The following ZC3HC1 variants were observed in gnomAD, a reference collection of about 807,000 sequenced individuals.
ZC3HC1 encodes zinc finger C3HC-type protein 1.
In ZC3HC1, 38 loss-of-function variants were observed where a neutral mutation model predicts 61.9. The ratio of observed to expected loss-of-function variants is 0.61; its 90% CI spans 0.47 to 0.81. ZC3HC1 has a LOEUF of 0.81. ZC3HC1 is among the 30% of genes least tolerant of loss of function. The pLI is 0.00. For synonymous variants in ZC3HC1, 213 were observed against 229.9 expected, an observed-to-expected ratio of 0.93 and a Z score of 0.67; for missense variants, 554 against 622.7, an observed-to-expected ratio of 0.89 and a Z score of 1.17.
At chr7:130,024,085 C>G (rs1244057971) in intron 7 of ZC3HC1, among the ~76,000 whole-genome samples, 178 bp downstream of exon 7, 1 of 152,180 alleles carries the variant, frequency 6.6e-6, no homozygotes, top group African/African-American at 2.4e-5. Flanking sequence ...TAGGCGTGAG[C>G]CACCGGGTCT....
chr7:130,026,516 G>A, intron 5 of ZC3HC1: 1 of 462,558 alleles, frequency 2.2e-6, no homozygotes. Flanking sequence ...TGAATCTGCT[G>A]ACTGAGAAAG....
rs1157255334 is a variant in ZC3HC1 at position 130,051,352 on chromosome 7, A to G, written c.15T>C (p.Cys5=). The change falls in exon 1 of 10, where the codon TGT becomes TGC. Residue 5 remains cysteine, a synonymous_variant. Transcript: ENST00000358303. ...CCCCTACGGCAAACGCTTGTCCCTC[A>G]CAGGGCGCCGCCATCTTGGTCCGCT... MAAP[C]EGQAFAVGVE... The G allele has an allele frequency of 6.2e-7, 1 of 1,612,400 alleles. No homozygotes were observed. Among genetic ancestry groups the G allele is most frequent in the Non-Finnish European group, 8.5e-7 (1 of 1,179,218 alleles).
chr7:130,030,779 C>T (rs1794147483), intron 4 of ZC3HC1, among the ~76,000 whole-genome samples: 1 of 151,794 alleles, frequency 6.6e-6, no homozygotes, highest in African/African-American at 2.4e-5. Flanking sequence ...CACCATTCTC[C>T]TGCCTCAGCC....
At chr7:130,020,791 C>T (rs1793608643) in intron 9 of ZC3HC1, among the ~76,000 whole-genome samples, 2 of 152,170 alleles carry the variant, frequency 1.3e-5, no homozygotes, top group Admixed American at 6.5e-5. Context: ...TTACTGAAAA[C>T]TGCCAATGTA....
intron 1 of ZC3HC1, chr7:130,050,613 T>C (rs1795038434): frequency 2.3e-6 from 2 of 854,560 alleles, no homozygotes; most frequent in Non-Finnish European, 3.4e-6. Flanking sequence ...ACCATAGTAG[T>C]ATTAGCAGTA....
chr7:130,019,054 CTTTTTT>C (rs397746688), intron 9 of ZC3HC1, among the ~76,000 whole-genome samples: 74 of 132,988 alleles, frequency 5.6e-4, no homozygotes, highest in African/African-American at 2.1e-3. Flanking sequence ...ACTGGTTTTT[CTTTTTT>C]TTTTTTTTTT....
chr7:130,043,770 C>A (rs1794766850), intron 2 of ZC3HC1: 1 of 432,644 alleles, frequency 2.3e-6, no homozygotes, highest in Non-Finnish European at 4.6e-6. Flanking sequence ...TTGCGGGCAG[C>A]CAAGTGTGGA....
chr7:130,051,294 G>A lies in ZC3HC1; in HGVS notation c.73C>T (p.Pro25Ser), dbSNP rs779499534. ...EKNWGAVVRS[P>S]EGTPQKIRQL... ...CGGATTTTCTGGGGGGTCCCTTCTG[G>A]GGAGCGAACTACTGCACCCCAATTC... Residue 25 changes from proline to serine, a missense_variant, in exon 1 of 10, where the codon CCA becomes TCA. By Grantham distance (74) the Pro-to-Ser change is moderately conservative. Coordinates refer to ENST00000358303, the MANE Select transcript of ZC3HC1 (RefSeq NM_016478.5). The A allele has an allele frequency of 3.2e-5, 52 of 1,612,960 alleles. No individual in the cohort carries two copies. The highest frequency in any genetic ancestry group is 4.2e-5 in the Non-Finnish European group (49 of 1,179,540).
intron 4 of ZC3HC1, among the ~76,000 whole-genome samples, chr7:130,031,805 G>C (rs1382892087): frequency 6.6e-6 from 1 of 152,158 alleles, no homozygotes; most frequent in Non-Finnish European, 1.5e-5. Context: ...GGCTAACACA[G>C]AACTGCAAAC....
intron 3 of ZC3HC1, 53 bp from the exon 4 acceptor site, chr7:130,039,600 T>G (rs992485333): frequency 1.5e-5 from 21 of 1,355,704 alleles, no homozygotes; most frequent in Non-Finnish European, 2.0e-5. Flanking sequence ...AGATTCAAAA[T>G]CCAATGAATG....
intron 5 of ZC3HC1, chr7:130,027,164 T>C (rs986550290): frequency 1.3e-5 from 2 of 151,830 alleles, no homozygotes; most frequent in Non-Finnish European, 2.9e-5. Flanking sequence ...CAAAGCTCGT[T>C]AGACTTTATT....
rs1795053184 is a variant in ZC3HC1, at chr7:130,050,999, A to G, written c.146+222T>C. Among the ~76,000 whole-genome samples the G allele has an allele frequency of 3.3e-5, 5 of 152,208 alleles. No homozygotes were observed. The South Asian group carries it at 1.0e-3, about 32-fold the overall frequency. ...ACGGTCCTCTTTACTTCCAAAAATA[A>G]TGTCCGATGACAAAATTTCGGCTGC... On this transcript the variant is annotated intron_variant, in intron 1 of 9. Transcript: ENST00000358303.
intron 4 of ZC3HC1, among the ~76,000 whole-genome samples, chr7:130,029,689 C>T (rs1267455026): frequency 1.3e-5 from 2 of 152,092 alleles, no homozygotes; most frequent in African/African-American, 4.8e-5. Context: ...GATGGGGTTT[C>T]ATTATTTATA....
intron 4 of ZC3HC1, among the ~76,000 whole-genome samples, chr7:130,037,958 TA>T (rs1250292207): frequency 6.6e-6 from 1 of 152,194 alleles, no homozygotes; most frequent in African/African-American, 2.4e-5. Context: ...ATCAACAAAA[TA>T]TTTTTTATTT....
intron 3 of ZC3HC1, among the ~76,000 whole-genome samples, chr7:130,040,317 A>G (rs1035875188): frequency 1.3e-5 from 2 of 149,136 alleles, no homozygotes; most frequent in Non-Finnish European, 3.0e-5. Context: ...ACACGGTGAA[A>G]CCCCGTCTCT....
intron 2 of ZC3HC1, among the ~76,000 whole-genome samples, chr7:130,042,585 T>C (rs1193022093): frequency 6.6e-6 from 1 of 152,230 alleles, no homozygotes; most frequent in Non-Finnish European, 1.5e-5. Flanking sequence ...TGTGTGAGAA[T>C]GTGTTTTACA....
rs947635232 is a variant in ZC3HC1 at position 130,032,483 on chromosome 7, CA to C, written c.494-3455del. 3.2e-3 allele frequency among the ~76,000 whole-genome samples: 417 copies of C among 129,608 alleles called. 2 individuals are homozygous for C. The highest frequency in any genetic ancestry group is 4.4e-3 in the Admixed American group (56 of 12,792). The allele number at this position is 129,608 out of a possible 152,430, so 85.0% of individuals were successfully genotyped here. A position where few individuals can be genotyped will look rare whatever the true frequency, so the allele number is the denominator to read the frequency against. On this transcript the variant is annotated intron_variant, in intron 4 of 9. Coordinates refer to ENST00000358303, the MANE Select transcript of ZC3HC1 (RefSeq NM_016478.5). ...CAATATAGTGAGACCCCATCTCTAC[CA>C]AAAAAAAAAAAATTAGCTGGATGTG...
Position 130,051,273 on chromosome 7 carries a change from T to C in ZC3HC1, c.94A>G (p.Ile32Val), listed in dbSNP as rs568344139. 2.2e-5 allele frequency: 36 copies of C among 1,611,942 alleles called. 2 individuals are homozygous for C. The South Asian group carries it at 3.9e-4, about 17-fold the overall frequency. Residue 32 changes from isoleucine to valine, a missense_variant, in exon 1 of 10, where the codon ATC becomes GTC. Physicochemically the swap from Ile to Val is conservative, Grantham distance 29. Transcript: ENST00000358303. ...ATCCCCTCATCTATCAGCTGCCGGA[T>C]TTTCTGGGGGGTCCCTTCTGGGGAG... is the stretch of plus-strand genomic sequence containing the variant. Reference protein sequence around the residue: ...VRSPEGTPQKIRQLIDEGIAP... With the variant: ...VRSPEGTPQKVRQLIDEGIAP...
chr7:130,019,130 T>C (rs1357388128), intron 9 of ZC3HC1, among the ~76,000 whole-genome samples: 3 of 149,720 alleles, frequency 2.0e-5, no homozygotes, highest in Admixed American at 1.3e-4. Context: ...CTCGGCTCAC[T>C]GCAAGCTCTG....
Sources: allele counts gnomAD v4.1 joint callset (sites outside exome capture counted in the v4.1 genomes callset), GRCh38; gene constraint gnomAD v4.1.1; transcripts MANE v1.5; gene names NCBI Gene and HGNC (gene_info 2026-07-23, HGNC 2026-07-21).